Variants in ELAVL4 observed in about 807,000 individuals in gnomAD.
The protein encoded by ELAVL4 is ELAV like RNA binding protein 4.
Under a neutral mutation model 35.6 loss-of-function variants are expected in ELAVL4, and 1 was observed. That is an observed-to-expected ratio of 0.03 (90% CI 0.01 to 0.13). The LOEUF (loss-of-function observed/expected upper bound fraction) is 0.13. ELAVL4 is among the 10% of genes least tolerant of loss of function. ELAVL4 has a pLI of 1.00. For synonymous variants in ELAVL4, 156 were observed against 171.0 expected (o/e 0.91, Z 0.69); for missense variants, 267 against 464.9 (o/e 0.57, Z 3.91).
chr1:50,179,061 T>A (rs1435417161), intron 3 of ELAVL4, among the ~76,000 whole-genome samples: 4 of 152,026 alleles, frequency 2.6e-5, no homozygotes, highest in Admixed American at 2.6e-4. Flanking sequence ...TAGCCCATCA[T>A]GCCATCAGAT....
intron 1 of ELAVL4, among the ~76,000 whole-genome samples, chr1:50,136,125 A>G (rs1572345560): frequency 6.6e-6 from 1 of 152,186 alleles, no homozygotes; most frequent in Admixed American, 6.5e-5. Flanking sequence ...CTGATCTAAG[A>G]CACTTTAAAG....
chr1:50,110,056 G>A (rs1007248350), intron 1 of ELAVL4: 4 of 1,477,774 alleles, frequency 2.7e-6, no homozygotes, highest in Non-Finnish European at 3.7e-6. Flanking sequence ...TAAGGATGCT[G>A]GACTGTGCAT....
At chr1:50,072,015 G>T (rs1047783828) in intron 1 of ELAVL4, among the ~76,000 whole-genome samples, 10 of 152,102 alleles carry the variant, frequency 6.6e-5, no homozygotes, top group Non-Finnish European at 1.0e-4. Context: ...ACTTGGAAAT[G>T]ATTTGAAGCA....
At chr1:50,094,312 T>TA (rs1206970903) in intron 1 of ELAVL4, among the ~76,000 whole-genome samples, 1 of 152,206 alleles carries the variant, frequency 6.6e-6, no homozygotes, top group African/African-American at 2.4e-5. Flanking sequence ...TGGGTTTTGT[T>TA]AGAGGTCTGC....
intron 2 of ELAVL4, among the ~76,000 whole-genome samples, chr1:50,165,597 C>T (rs112312338): frequency 3.4e-4 from 49 of 145,360 alleles, no homozygotes; most frequent in Middle Eastern, 4.0e-3. Flanking sequence ...TACATATATA[C>T]GTGTATGTAT....
upstream of ELAVL4, chr1:50,106,412 C>T (rs1452220758): frequency 6.3e-6 from 10 of 1,593,536 alleles, no homozygotes; most frequent in African/African-American, 5.4e-5. Context: ...AATACAGCGG[C>T]GCTGGCAGCC....
intron 1 of ELAVL4, among the ~76,000 whole-genome samples, chr1:50,098,488 G>T (rs1211445541): frequency 6.6e-6 from 1 of 152,148 alleles, no homozygotes; most frequent in Non-Finnish European, 1.5e-5. Context: ...AGGTTAACAT[G>T]AAATAAGCAC....
chr1:50,175,086 C>A (rs1366821165), intron 2 of ELAVL4, among the ~76,000 whole-genome samples: 1 of 152,012 alleles, frequency 6.6e-6, no homozygotes, highest in Non-Finnish European at 1.5e-5. Flanking sequence ...TAAAAATATC[C>A]TTTAAAAGCA....
chr1:50,050,717 A>T (rs1436560528), intron 1 of ELAVL4, among the ~76,000 whole-genome samples: 2 of 152,206 alleles, frequency 1.3e-5, no homozygotes, highest in East Asian at 3.8e-4. Flanking sequence ...TAGCTTAAAA[A>T]AAATTGAAAT....
intron 2 of ELAVL4, among the ~76,000 whole-genome samples, chr1:50,165,457 TAC>T (rs542493288): frequency 2.4e-3 from 352 of 148,904 alleles, no homozygotes; most frequent in East Asian, 0.019. Context: ...TAGATATAGA[TAC>T]ACACACACAC....
intron 1 of ELAVL4, among the ~76,000 whole-genome samples, chr1:50,098,462 A>G (rs1047266445): frequency 1.3e-5 from 2 of 152,234 alleles, no homozygotes; most frequent in African/African-American, 4.8e-5. Flanking sequence ...TGGTTACCTC[A>G]TAATATCATA....
intron 1 of ELAVL4, among the ~76,000 whole-genome samples, chr1:50,097,347 C>A (rs1439295200): frequency 6.6e-6 from 1 of 152,192 alleles, no homozygotes; most frequent in Non-Finnish European, 1.5e-5. Context: ...CTTTAGCCAG[C>A]ATTATTACAG....
At chr1:50,065,436 C>T (rs1205729186) in intron 1 of ELAVL4, among the ~76,000 whole-genome samples, 1 of 152,128 alleles carries the variant, frequency 6.6e-6, no homozygotes, top group African/African-American at 2.4e-5. Flanking sequence ...GCTAGCTGTG[C>T]AACACTGGAG....
intron 1 of ELAVL4, among the ~76,000 whole-genome samples, chr1:50,072,847 T>G (rs1664592121): frequency 6.6e-6 from 1 of 152,136 alleles, no homozygotes; most frequent in African/African-American, 2.4e-5. Context: ...TGAAATAACT[T>G]TCCCAAGGTA....
Position 50,201,337 on chromosome 1 carries a change from T to C in ELAVL4, c.*159T>C, listed in dbSNP as rs1017126376. 7 of 848,928 alleles carry C rather than the reference T, an allele frequency of 8.2e-6. No individual in the cohort carries two copies. Among genetic ancestry groups the C allele is most frequent in the Non-Finnish European group, 1.2e-5 (7 of 606,006 alleles). 52.6% of individuals were successfully genotyped at this position (848,928 alleles called of 1,614,324 possible). ...CCAGTGTTGCCTAAGTATTAAAACA[T>C]TGGATTATCCTGAGGTGTACCAGGA... On this transcript the variant is annotated 3_prime_UTR_variant, in exon 7 of 7. Coordinates refer to ENST00000371824, the MANE Select transcript of ELAVL4 (RefSeq NM_001144774.3). This position sits in a 1 kb window ranked among gnomAD's most constrained non-coding sequence, Gnocchi z 4.3.
At chr1:50,097,703 T>A (rs769327236) in intron 1 of ELAVL4, among the ~76,000 whole-genome samples, 14 of 152,196 alleles carry the variant, frequency 9.2e-5, no homozygotes, top group Non-Finnish European at 1.8e-4. Context: ...CTCTTACACA[T>A]GCAAATGTGT....
intron 1 of ELAVL4, among the ~76,000 whole-genome samples, chr1:50,139,786 A>G (rs982678887): frequency 6.6e-6 from 1 of 152,046 alleles, no homozygotes; most frequent in Admixed American, 6.6e-5. Context: ...GCAGATATAA[A>G]CGACCCTGGT....
chr1:50,115,156 C>G (rs1290944895), intron 1 of ELAVL4: 1 of 151,922 alleles, frequency 6.6e-6, no homozygotes, highest in Non-Finnish European at 1.5e-5. Context: ...TAAGACCAAC[C>G]AATTTTGCTT....
chr1:50,109,244 G>C, intron 1 of ELAVL4, 46 bp downstream of exon 1: 1 of 1,598,612 alleles, frequency 6.3e-7, no homozygotes. Flanking sequence ...TTGCTGGAGG[G>C]AAGAAAAGCA....
Sources: gnomAD v4.1 joint callset for allele counts (sites outside exome capture counted in the v4.1 genomes callset) on GRCh38, gnomAD v4.1.1 for gene constraint, Gnocchi (gnomAD v3.1) non-coding constraint, MANE v1.5 for transcripts, NCBI Gene and HGNC (gene_info 2026-07-23, HGNC 2026-07-21) for gene names.